The following SPAG16 variants were observed in gnomAD, a reference collection of about 807,000 sequenced individuals.
SPAG16 encodes sperm-associated antigen 16 protein.
Under a neutral mutation model 80.4 loss-of-function variants are expected in SPAG16, and 86 were observed. That is an observed-to-expected ratio of 1.07 (90% confidence interval 0.90 to 1.28). The LOEUF is 1.28. Among genes scored for constraint, SPAG16 ranks in the 50% most tolerant of loss-of-function variants. The pLI is 0.00. For synonymous variants in SPAG16, 294 were observed against 265.9 expected (o/e 1.11, Z -1.03); for missense variants, 870 against 765.3 (o/e 1.14, Z -1.61).
chr2:214,206,038 C>CA (rs11367043), intron 15 of SPAG16, among the ~76,000 whole-genome samples: 8 of 151,514 alleles, frequency 5.3e-5, no homozygotes, highest in East Asian at 3.9e-4. Context: ...ACTAAAAATA[C>CA]AAAAAAAAAT....
intron 6 of SPAG16, among the ~76,000 whole-genome samples, chr2:213,342,964 A>G (rs1256508257): frequency 1.3e-5 from 2 of 151,956 alleles, no homozygotes; most frequent in Non-Finnish European, 1.5e-5. Flanking sequence ...GGAGGCAGAG[A>G]TCAGAGTTCA....
In SPAG16 at chr2:213,686,674, C is replaced by CTTT. The variant is rs748200040; in HGVS notation, c.1071-175783_1071-175781dup. Among the ~76,000 whole-genome samples the CTTT allele has an allele frequency of 8.0e-4, 69 of 86,142 alleles. 4 individuals are homozygous for CTTT. Among genetic ancestry groups the CTTT allele is most frequent in the Non-Finnish European group, 9.8e-4 (40 of 40,848 alleles). 56.5% of individuals were successfully genotyped at this position (86,142 alleles called of 152,430 possible). On this transcript the variant is annotated intron_variant, in intron 10 of 15. Transcript: ENST00000331683. ...TTGGTATGGTTAGGTATTAATCCAC[C>CTTT]TTTTTTTTTTTTTTTTTTTTTTTTT... is the stretch of plus-strand genomic sequence containing the variant.
At chr2:213,399,678 T>C (rs2068218558) in intron 9 of SPAG16, among the ~76,000 whole-genome samples, 1 of 152,036 alleles carries the variant, frequency 6.6e-6, no homozygotes, top group African/African-American at 2.4e-5. Context: ...AGTTGTGGAA[T>C]AGTTCCTTTC....
intron 12 of SPAG16, among the ~76,000 whole-genome samples, chr2:214,000,244 C>T (rs114972622): frequency 0.025 from 3,769 of 152,174 alleles, 151 homozygotes; most frequent in African/African-American, 0.086. Flanking sequence ...ATTATCAGAG[C>T]GGTTTCCCCC....
chr2:213,753,477 A>G (rs2068178459), intron 10 of SPAG16, among the ~76,000 whole-genome samples: 1 of 152,216 alleles, frequency 6.6e-6, no homozygotes. Context: ...AGCAATTTTA[A>G]TATATGTATG....
intron 15 of SPAG16, among the ~76,000 whole-genome samples, chr2:214,233,122 CA>C (rs1262844410): frequency 1.3e-5 from 2 of 151,428 alleles, no homozygotes; most frequent in African/African-American, 4.8e-5. Flanking sequence ...CACAGCAAGT[CA>C]AAAAAAGGGG....
chr2:213,308,769 A>T (rs544221793), intron 3 of SPAG16, among the ~76,000 whole-genome samples: 1 of 152,130 alleles, frequency 6.6e-6, no homozygotes, highest in African/African-American at 2.4e-5. Context: ...CGTGTTTTGT[A>T]ATCATTTTTA....
intron 15 of SPAG16, among the ~76,000 whole-genome samples, chr2:214,158,108 C>T (rs1437864091): frequency 2.0e-5 from 3 of 152,018 alleles, no homozygotes; most frequent in South Asian, 4.1e-4. Context: ...CCTCTCTTGA[C>T]CTCAACTTTA....
In SPAG16 at chr2:213,792,935, C is replaced by CT. The variant is rs902431203; in HGVS notation, c.1071-69541dup. Among the ~76,000 whole-genome samples, 37 of 148,362 alleles carry CT rather than the reference C, an allele frequency of 2.5e-4. 1 individual carries two copies. Among genetic ancestry groups the CT allele is most frequent in the Middle Eastern group, 3.7e-3 (1 of 272 alleles). On this transcript the variant is annotated intron_variant, in intron 10 of 15. Transcript: ENST00000331683. ...GTAATTTTTCCTTCTTTAGTATTTT[C>CT]TTTTTTTTTGAGATGAAGTCTCACT...
chr2:213,928,285 G>A (rs1244266365), intron 11 of SPAG16, among the ~76,000 whole-genome samples: 1 of 151,652 alleles, frequency 6.6e-6, no homozygotes, highest in East Asian at 1.9e-4. Context: ...GTAGAGACGG[G>A]GTTTCACCAT....
chr2:214,405,835 CT>C (rs1701967575), intron 15 of SPAG16, among the ~76,000 whole-genome samples: 1 of 152,100 alleles, frequency 6.6e-6, no homozygotes, highest in Non-Finnish European at 1.5e-5. Context: ...ATTCAACCTT[CT>C]GTGAGTCTCC....
At chr2:213,976,145 C>T (rs1384971274) in intron 12 of SPAG16, among the ~76,000 whole-genome samples, 2 of 138,212 alleles carry the variant, frequency 1.4e-5, no homozygotes, top group Admixed American at 7.3e-5. Context: ...TACACACACA[C>T]ACACACACAC....
In SPAG16 at chr2:213,980,725, T is replaced by TATATATATATATATATAGAG. The variant is rs374274176; in HGVS notation, c.1401-33225_1401-33224insTATATATATATATATAGAGA. Among the ~76,000 whole-genome samples the TATATATATATATATATAGAG allele has an allele frequency of 3.3e-3, 339 of 103,876 alleles. 2 individuals are homozygous for TATATATATATATATATAGAG. The highest frequency in any genetic ancestry group is 3.7e-3 in the Non-Finnish European group (212 of 57,564). The allele number at this position is 103,876 out of a possible 152,430, so 68.1% of individuals were successfully genotyped here. On this transcript the variant is annotated intron_variant, in intron 12 of 15. Transcript: ENST00000331683. ...GTGTGTGTGTGTGTATATATATATA[T>TATATATATATATATATAGAG]AGAGAGAGAGAGAGAGAGAGAGAGA...
intron 9 of SPAG16, among the ~76,000 whole-genome samples, chr2:213,436,981 G>T (rs1055382775): frequency 1.3e-5 from 2 of 151,510 alleles, no homozygotes; most frequent in East Asian, 3.9e-4. Context: ...GCATGATCTC[G>T]GTTCACTGCA....
At chr2:213,356,364 A>C (rs1036592144) in intron 7 of SPAG16, among the ~76,000 whole-genome samples, 1 of 152,158 alleles carries the variant, frequency 6.6e-6, no homozygotes, top group African/African-American at 2.4e-5. Flanking sequence ...TTGGCTGTGA[A>C]TCTGTCTGAT....
At position 213,526,791 on chromosome 2, in the gene SPAG16, A is replaced by AT. The variant is rs202225704; in HGVS notation, c.1070+36709dup. Among the ~76,000 whole-genome samples, 598 of 152,106 alleles carry AT rather than the reference A, an allele frequency of 3.9e-3. 16 individuals are homozygous for AT. The East Asian group carries it at 0.041, about 10-fold the overall frequency. On this transcript the variant is annotated intron_variant, in intron 10 of 15. Transcript: ENST00000331683. ...CTTGGTTGAACAAATTTCTAGGTTAATTTTTTTTCCTTCAGAATGTTGAAG... is the reference window on the plus strand; with the variant it reads ...CTTGGTTGAACAAATTTCTAGGTTAATTTTTTTTTCCTTCAGAATGTTGAAG...
chr2:213,699,191 T>C (rs1384436491), intron 10 of SPAG16, among the ~76,000 whole-genome samples: 1 of 152,170 alleles, frequency 6.6e-6, no homozygotes, highest in Admixed American at 6.5e-5. Flanking sequence ...ATTTTTATTT[T>C]TCCCCCATTT....
intron 13 of SPAG16, among the ~76,000 whole-genome samples, chr2:214,036,769 T>C (rs1473336617): frequency 1.3e-5 from 2 of 152,180 alleles, no homozygotes; most frequent in African/African-American, 4.8e-5. Flanking sequence ...TCAGTAGCAT[T>C]CAGTATTTAT....
At chr2:213,920,640 C>G (rs913860141) in intron 11 of SPAG16, among the ~76,000 whole-genome samples, 1 of 152,176 alleles carries the variant, frequency 6.6e-6, no homozygotes, top group Non-Finnish European at 1.5e-5. Flanking sequence ...GTTCTACAAG[C>G]AGGCATGGCC....
Sources: gnomAD v4.1 joint callset for allele counts (sites outside exome capture counted in the v4.1 genomes callset) on GRCh38, gnomAD v4.1.1 for gene constraint, MANE v1.5 for transcripts, NCBI Gene and HGNC (gene_info 2026-07-23, HGNC 2026-07-21) for gene names.